Variants in MGAM2 observed in about 807,000 individuals in gnomAD.
MGAM2 encodes the protein probable maltase-glucoamylase 2.
MGAM2 carries 98 observed loss-of-function variants against 96.1 expected under a neutral mutation model. The ratio of observed to expected loss-of-function variants is 1.02; its 90% CI spans 0.87 to 1.21. The LOEUF (loss-of-function observed/expected upper bound fraction) is 1.21. MGAM2 is among the 50% of genes most tolerant of loss of function. The pLI is 0.00. For synonymous variants in MGAM2, 749 were observed against 414.8 expected, an observed-to-expected ratio of 1.81 and a Z score of -9.79; for missense variants, 2,055 against 1,182.4, an observed-to-expected ratio of 1.74 and a Z score of -10.82.
At chr7:142,115,744 C>T (rs1817370331) in intron 1 of MGAM2, among the ~76,000 whole-genome samples, 1 of 152,088 alleles carries the variant, frequency 6.6e-6, no homozygotes, top group Non-Finnish European at 1.5e-5. Context: ...ACTCGGGAGG[C>T]TGAGGCAGGA....
At chr7:142,171,096 A>T in intron 27 of MGAM2, 176 bp from the exon 28 acceptor site, 8 of 647,598 alleles carry the variant, frequency 1.2e-5, no homozygotes, top group Non-Finnish European at 5.7e-6. Flanking sequence ...CTAACATGGA[A>T]CTTTGGTCCT....
At position 142,197,672 on chromosome 7, in the gene MGAM2, A is replaced by G. The variant is rs1395628356; in HGVS notation, c.4810A>G (p.Ile1604Val). Reference sequence around the variant, plus strand: ...TACGGATGACAGGACAACATGGGATATAGACCGTCAGTTCATGTTGGGCCC... The same window carrying G: ...TACGGATGACAGGACAACATGGGATGTAGACCGTCAGTTCATGTTGGGCCC... ...EFTDDRTTWD[I>V]DRQFMLGPAI... Residue 1604 changes from isoleucine (I) to valine (V), a missense_variant, in exon 42 of 48, where the codon ATA (isoleucine) becomes GTA (valine). Physicochemically the swap from Ile to Val is conservative, Grantham distance 29 (BLOSUM62 3). Coordinates refer to ENST00000477922, the MANE Select transcript of MGAM2 (RefSeq NM_001293626.2). 1.4e-6 allele frequency: 1 copy of G among 703,026 alleles called. No homozygotes were observed. 43.5% of individuals were successfully genotyped at this position (703,026 alleles called of 1,614,324 possible).
intron 17 of MGAM2, 55 bp downstream of exon 17, chr7:142,154,900 T>C (rs1795691540): frequency 1.4e-6 from 1 of 697,886 alleles, no homozygotes; most frequent in Non-Finnish European, 2.6e-6. Context: ...ATCTACTGGC[T>C]CTTAAAGGGG....
chr7:142,196,219 G>A lies in MGAM2; in HGVS notation c.4412G>A (p.Gly1471Glu). Residue 1471 changes from glycine (G) to glutamate (E), a missense_variant, in exon 38 of 48, where the codon GGA becomes GAA. Coordinates refer to ENST00000477922, the MANE Select transcript of MGAM2 (RefSeq NM_001293626.2). ...ACCCGCTCCACATTTCCCTCTTCTG[G>A]ACGCTGGGGAGGACACCGGTTGGGA... ...IITRSTFPSSGRWGGHRLGNN... is the reference protein window; with the variant it reads ...IITRSTFPSSERWGGHRLGNN... 9.0e-7 allele frequency: 1 copy of A among 1,106,276 alleles called. No homozygotes were observed. The highest frequency in any genetic ancestry group is 1.3e-5 in the South Asian group (1 of 75,070). The allele number at this position is 1,106,276 out of a possible 1,614,324, so 68.5% of individuals were successfully genotyped here. A position where few individuals can be genotyped will look rare whatever the true frequency, so the allele number is the denominator to read the frequency against.
chr7:142,174,715 C>CTTTTTTTTTTTTTTTTTGTTTTTTTTT (rs1796311648), intron 31 of MGAM2, among the ~76,000 whole-genome samples: 1 of 85,458 alleles, frequency 1.2e-5, no homozygotes, highest in Non-Finnish European at 2.1e-5. Context: ...CTCTCTCTCT[C>CTTTTTTTTTTTTTTTTTGTTTTTTTTT]TTTTTTTTTT....
Position 142,113,076 on chromosome 7 carries a change from A to T in MGAM2, c.-1+1269A>T, listed in dbSNP as rs981547900. 5.0e-4 allele frequency among the ~76,000 whole-genome samples: 76 copies of T among 152,216 alleles called. 1 individual carries two copies. The highest frequency in any genetic ancestry group is 4.8e-3 in the Admixed American group (73 of 15,284). ...AACCTAAAGGCTACTGTAATTAAAA[A>T]TTGAAGCTATATACCTATATAAAAA... On this transcript the variant is annotated intron_variant, in intron 1 of 47. Coordinates refer to ENST00000477922, the MANE Select transcript of MGAM2 (RefSeq NM_001293626.2).
In MGAM2 at chr7:142,221,212, A is replaced by T. The variant is rs1797917287; in HGVS notation, c.6701A>T (p.Asp2234Val). 1.4e-6 allele frequency: 1 copy of T among 702,142 alleles called. No homozygotes were observed. Among genetic ancestry groups the T allele is most frequent in the Non-Finnish European group, 2.6e-6 (1 of 384,518 alleles). The allele number at this position is 702,142 out of a possible 1,614,324, so 43.5% of individuals were successfully genotyped here. ...TSTDVASTNN[D>V]ASMTNFLLAT... The stretch of plus-strand genomic sequence containing the variant: ...ACTGATGTTGCTAGCACAAATAATG[A>T]TGCTTCTATGACAAATTTTCTTTTA... Residue 2234 changes from aspartate to valine, a missense_variant, in exon 48 of 48, where the codon GAT (aspartate) becomes GTT (valine). Asp to Val is a radical substitution (Grantham distance 152). Coordinates refer to ENST00000477922, the MANE Select transcript of MGAM2 (RefSeq NM_001293626.2).
intron 32 of MGAM2, among the ~76,000 whole-genome samples, chr7:142,180,300 C>G (rs564774432): frequency 1.1e-3 from 166 of 152,154 alleles, no homozygotes; most frequent in African/African-American, 3.8e-3. Context: ...AAAAAAACAG[C>G]TTTTGCTTTT....
At chr7:142,158,364 T>C in intron 19 of MGAM2, 32 bp downstream of exon 19, 1 of 702,644 alleles carries the variant, frequency 1.4e-6, no homozygotes, top group Non-Finnish European at 2.6e-6. Flanking sequence ...TGAAAGGGGG[T>C]ATTGCACTTG....
At position 142,175,866 on chromosome 7, in the gene MGAM2, G is replaced by C; in HGVS notation, c.3816+86G>C. 1.4e-5 allele frequency: 9 copies of C among 656,464 alleles called. No homozygotes were observed. The South Asian group carries it at 1.5e-4, about 11-fold the overall frequency. 40.7% of individuals were successfully genotyped at this position (656,464 alleles called of 1,614,324 possible). On this transcript the variant is annotated intron_variant, in intron 32 of 47. Transcript: ENST00000477922. ...CACCATTGTGGGAAACTGGATGAAGGGTACCAGAAATGTTCCTGTACTCTG... is the reference window on the plus strand; with the variant it reads ...CACCATTGTGGGAAACTGGATGAAGCGTACCAGAAATGTTCCTGTACTCTG...
At chr7:142,192,838 A>G (rs941219057) in intron 37 of MGAM2, among the ~76,000 whole-genome samples, 1 of 152,168 alleles carries the variant, frequency 6.6e-6, no homozygotes, top group African/African-American at 2.4e-5. Context: ...CACTGCTGGT[A>G]TATTGCTTTA....
intron 16 of MGAM2, 142 bp from the exon 17 acceptor site, chr7:142,154,587 G>A: frequency 1.6e-6 from 1 of 608,454 alleles, no homozygotes; most frequent in Non-Finnish European, 3.0e-6. Context: ...CTTTGGCTGG[G>A]AGTGTGCCCT....
intron 32 of MGAM2, among the ~76,000 whole-genome samples, chr7:142,181,315 T>C (rs769682690): frequency 2.0e-5 from 3 of 152,172 alleles, no homozygotes; most frequent in Non-Finnish European, 4.4e-5. Flanking sequence ...CCAAGGCTCT[T>C]TAAGAGATAT....
chr7:142,180,783 A>G lies in MGAM2; in HGVS notation c.3817-2483A>G, dbSNP rs532969277. On this transcript the variant is annotated intron_variant, in intron 32 of 47. Transcript: ENST00000477922. ...TTTCTGACTGGGTTGTTTAGAAGGG[A>G]CTTGTCTTTGAGTTCTGAGATTCTT... Among the ~76,000 whole-genome samples, 10 of 152,152 alleles carry G rather than the reference A, an allele frequency of 6.6e-5. No individual in the cohort carries two copies. In the South Asian group the frequency reaches 1.5e-3, roughly 22 times the overall value.
intron 37 of MGAM2, among the ~76,000 whole-genome samples, chr7:142,194,905 G>C (rs1255216881): frequency 1.3e-5 from 2 of 152,008 alleles, no homozygotes; most frequent in African/African-American, 4.8e-5. Context: ...TACATACTAG[G>C]ATCTATTAGT....
In MGAM2 at chr7:142,221,663, C is replaced by T. The variant is rs1585234366; in HGVS notation, c.7152C>T (p.Ile2384=). The T allele has an allele frequency of 4.7e-5, 21 of 450,396 alleles. No homozygotes were observed. The East Asian group carries it at 6.1e-4, about 13-fold the overall frequency. The allele number at this position is 450,396 out of a possible 1,614,324, so 27.9% of individuals were successfully genotyped here. ...VTSIDKFTTH[I]TQFATPHSAT... ...CCATAGACAAATTCACCACACACAT[C>T]ACACAGTTCGCTACTCCCCATTCTG... Residue 2384 remains isoleucine (I), a synonymous_variant, in exon 48 of 48, where the codon ATC becomes ATT. Coordinates refer to ENST00000477922, the MANE Select transcript of MGAM2 (RefSeq NM_001293626.2).
At chr7:142,203,720 CAAAGGTGACAA>C (rs1374843051) in intron 45 of MGAM2, among the ~76,000 whole-genome samples, 2 of 152,040 alleles carry the variant, frequency 1.3e-5, no homozygotes, top group African/African-American at 4.8e-5. Flanking sequence ...TAATCTTTGA[CAAAGGTGACAA>C]AAACAAGCAG....
At chr7:142,181,490 C>T (rs1796540288) in intron 32 of MGAM2, among the ~76,000 whole-genome samples, 1 of 152,172 alleles carries the variant, frequency 6.6e-6, no homozygotes, top group Non-Finnish European at 1.5e-5. Context: ...TGCAGTAGTG[C>T]TATGGGGTGG....
intron 14 of MGAM2, among the ~76,000 whole-genome samples, chr7:142,145,391 T>C (rs1196667765): frequency 6.6e-6 from 1 of 152,036 alleles, no homozygotes; most frequent in Admixed American, 6.6e-5. Context: ...CTTCCCTTTT[T>C]CCTTTTTCTT....
Sources: gnomAD v4.1 joint callset for allele counts (sites outside exome capture counted in the v4.1 genomes callset) on GRCh38, gnomAD v4.1.1 for gene constraint, MANE v1.5 for transcripts, NCBI Gene and HGNC (gene_info 2026-07-23, HGNC 2026-07-21) for gene names.